TSN: variants seen among roughly 807,000 people sequenced by gnomAD.
TSN encodes the protein component 3 of promoter of RISC.
A neutral mutation model predicts 29.4 loss-of-function variants in TSN; 5 were observed. The ratio of observed to expected loss-of-function variants is 0.17; its 90% CI spans 0.09 to 0.36. The LOEUF (loss-of-function observed/expected upper bound fraction) is 0.36, where lower values mean the gene tolerates loss of function less well. TSN is among the 10% of genes least tolerant of loss of function. The pLI is 1.00. For missense variants in TSN, 159 were observed against 272.8 expected (o/e 0.58, Z 2.94); for synonymous variants, 106 against 102.2 (o/e 1.04, Z -0.23).
In TSN at chr2:121,765,136, G is replaced by T. The variant is rs779727558; in HGVS notation, c.456G>T (p.Ser152=). The part of the protein sequence containing the change: ...SGVLILASEL[S]RLSVNSVTAG... Reference sequence around the variant, plus strand: ...CTGTTTTCTCTTTCCTGGTACAGTCGAGGCTGTCTGTCAACAGCGTGACTG... The same window carrying T: ...CTGTTTTCTCTTTCCTGGTACAGTCTAGGCTGTCTGTCAACAGCGTGACTG... Residue 152 remains serine, a splice_region_variant and synonymous_variant, in exon 6 of 6, where the codon TCG becomes TCT. Coordinates refer to ENST00000389682, the MANE Select transcript of TSN (RefSeq NM_004622.3). 6.2e-7 allele frequency: 1 copy of T among 1,613,890 alleles called. No homozygotes were observed. Among genetic ancestry groups the T allele is most frequent in the East Asian group, 2.2e-5 (1 of 44,870 alleles).
In TSN at chr2:121,757,059, A is replaced by T. The variant is rs2074760785; in HGVS notation, c.67-181A>T. ...TTAATGGGTGGCTATTATTCTTTAA[A>T]GGGTATCTGAGGAATCTAAGGCTTT... On this transcript the variant is annotated intron_variant, in intron 1 of 5. Coordinates refer to ENST00000389682, the MANE Select transcript of TSN (RefSeq NM_004622.3). Among the ~76,000 whole-genome samples, 3 of 152,312 alleles carry T rather than the reference A, an allele frequency of 2.0e-5. No individual in the cohort carries two copies. In the East Asian group the frequency reaches 5.8e-4, roughly 29 times the overall value.
chr2:121,763,347 G>A (rs929249511), intron 5 of TSN, among the ~76,000 whole-genome samples: 8 of 151,904 alleles, frequency 5.3e-5, no homozygotes, highest in South Asian at 2.1e-4. Flanking sequence ...GGGTTTCACC[G>A]TGTTAGCCAG....
chr2:121,755,791 C>A lies in TSN; in HGVS notation c.12C>A (p.Ser4Arg). The A allele has an allele frequency of 6.2e-7, 1 of 1,613,958 alleles. No homozygotes were observed. The highest frequency in any genetic ancestry group is 8.5e-7 in the Non-Finnish European group (1 of 1,180,032). Reference sequence around the variant, plus strand: ...GTGCAGCCGGCGCCATGTCTGTGAGCGAGATCTTCGTGGAGCTGCAGGGCT... The same window carrying A: ...GTGCAGCCGGCGCCATGTCTGTGAGAGAGATCTTCGTGGAGCTGCAGGGCT... MSVSEIFVELQGFL... is the reference protein window; with the variant it reads MSVREIFVELQGFL... Residue 4 changes from serine to arginine, a missense_variant, in exon 1 of 6, where the codon AGC becomes AGA. Coordinates refer to ENST00000389682, the MANE Select transcript of TSN (RefSeq NM_004622.3).
At chr2:121,762,755 G>A (rs1358017033) in intron 4 of TSN, among the ~76,000 whole-genome samples, 1 of 152,148 alleles carries the variant, frequency 6.6e-6, no homozygotes, top group Non-Finnish European at 1.5e-5. Flanking sequence ...CTAACAAGAA[G>A]TATATTCTGT....
chr2:121,758,825 A>G lies in TSN; in HGVS notation c.257+19A>G. The G allele has an allele frequency of 6.8e-7, 1 of 1,468,438 alleles. No individual in the cohort carries two copies. The highest frequency in any genetic ancestry group is 9.1e-7 in the Non-Finnish European group (1 of 1,094,922). 91.0% of individuals were successfully genotyped at this position (1,468,438 alleles called of 1,614,324 possible). On this transcript the variant is annotated intron_variant, in intron 3 of 5. Coordinates refer to ENST00000389682, the MANE Select transcript of TSN (RefSeq NM_004622.3). ...ATTACAGGTTTGTAAGAAAAATAGC[A>G]TTATTTTATAATGTTAAGTAAAAAA... is the stretch of plus-strand genomic sequence containing the variant.
chr2:121,761,768 C>T (rs2074831643), intron 4 of TSN, among the ~76,000 whole-genome samples: 1 of 152,080 alleles, frequency 6.6e-6, no homozygotes. Flanking sequence ...CTCCCACATA[C>T]TTTAAATCAT....
chr2:121,756,585 A>G (rs2074751680), intron 1 of TSN: 10 of 1,276,760 alleles, frequency 7.8e-6, no homozygotes, highest in Admixed American at 2.3e-5. Flanking sequence ...TGCCTCGCAC[A>G]TAAGTATGCT....
chr2:121,756,783 C>G (rs891665339), intron 1 of TSN: 1 of 375,880 alleles, frequency 2.7e-6, no homozygotes, highest in Admixed American at 4.8e-5. Flanking sequence ...GTTGCGCACA[C>G]CTGTAATCCC....
chr2:121,764,102 G>T (rs1405499336), intron 5 of TSN, among the ~76,000 whole-genome samples: 1 of 152,194 alleles, frequency 6.6e-6, no homozygotes, highest in East Asian at 1.9e-4. Context: ...CACAACTTCT[G>T]TTAACATTCT....
At chr2:121,765,027 C>A (rs2074884055) in intron 5 of TSN, 107 bp from the exon 6 acceptor site, 3 of 941,350 alleles carry the variant, frequency 3.2e-6, no homozygotes, top group Admixed American at 2.0e-5. Context: ...GATAGAAGAT[C>A]AGCGTGGCTG....
chr2:121,757,397 A>G lies in TSN; in HGVS notation c.160+64A>G, dbSNP rs755155309. 6.2e-6 allele frequency: 10 copies of G among 1,607,530 alleles called. No individual in the cohort carries two copies. In the Admixed American group the frequency reaches 1.7e-4, roughly 27 times the overall value. On this transcript the variant is annotated intron_variant, in intron 2 of 5. Transcript: ENST00000389682. Reference sequence around the variant, plus strand: ...TTTAGAGGGAGAGTTTCTATCCAGAAGACATTTTATAATGAAAAATGGCTA... The same window carrying G: ...TTTAGAGGGAGAGTTTCTATCCAGAGGACATTTTATAATGAAAAATGGCTA...
At chr2:121,761,883 T>C (rs2074834306) in intron 4 of TSN, among the ~76,000 whole-genome samples, 1 of 151,972 alleles carries the variant, frequency 6.6e-6, no homozygotes, top group African/African-American at 2.4e-5. Flanking sequence ...AGTGGTGCAA[T>C]CTCCGCTCAC....
chr2:121,761,874 G>C (rs936784712), intron 4 of TSN, among the ~76,000 whole-genome samples: 4 of 151,676 alleles, frequency 2.6e-5, no homozygotes, highest in African/African-American at 9.7e-5. Flanking sequence ...CTGGAGTGCA[G>C]TGGTGCAATC....
rs1362928481 is a variant in TSN, at chr2:121,758,815, G to GA, written c.257+14dup. 8 of 1,492,816 alleles carry GA rather than the reference G, an allele frequency of 5.4e-6. No individual in the cohort carries two copies. The highest frequency in any genetic ancestry group is 7.2e-6 in the Non-Finnish European group (8 of 1,116,336). 92.5% of individuals were successfully genotyped at this position (1,492,816 alleles called of 1,614,324 possible). Reference sequence around the variant, plus strand: ...GCTGAACAGTATTACAGGTTTGTAAGAAAAATAGCATTATTTTATAATGTT... The same window carrying GA: ...GCTGAACAGTATTACAGGTTTGTAAGAAAAAATAGCATTATTTTATAATGTT... On this transcript the variant is annotated intron_variant, in intron 3 of 5. Coordinates refer to ENST00000389682, the MANE Select transcript of TSN (RefSeq NM_004622.3).
In TSN at chr2:121,763,084, G is replaced by T; in HGVS notation, c.453G>T (p.Leu151=). ...LSGVLILASE[L]SRLSVNSVTA... is the part of the protein sequence containing the mutation. ...GAGTTCTAATTCTTGCCAGTGAACT[G>T]GTAAGCTCAGTAACTTGCTGGTTGC... is the stretch of plus-strand genomic sequence containing the variant. The change falls in exon 5 of 6, where the codon CTG becomes CTT. Residue 151 remains leucine, a splice_region_variant and synonymous_variant. Transcript: ENST00000389682. 6.3e-7 allele frequency: 1 copy of T among 1,597,060 alleles called. No individual in the cohort carries two copies. The highest frequency in any genetic ancestry group is 1.1e-5 in the South Asian group (1 of 87,504).
chr2:121,756,903 C>T (rs1429270966), intron 1 of TSN, among the ~76,000 whole-genome samples: 8 of 145,720 alleles, frequency 5.5e-5, no homozygotes, highest in African/African-American at 1.5e-4. Flanking sequence ...AGCGAGACTC[C>T]GTCTCAAAAA....
intron 4 of TSN, among the ~76,000 whole-genome samples, chr2:121,762,390 A>C (rs999835764): frequency 1.3e-5 from 2 of 152,154 alleles, no homozygotes; most frequent in East Asian, 3.9e-4. Context: ...GGCCTCCCAA[A>C]GTGCTGGGAT....
chr2:121,759,463 C>T (rs2074791506), intron 3 of TSN, among the ~76,000 whole-genome samples: 1 of 152,106 alleles, frequency 6.6e-6, no homozygotes, highest in Non-Finnish European at 1.5e-5. Context: ...CGAAAATTAG[C>T]CAGGTGTGGT....
In TSN at chr2:121,758,714, A is replaced by G. The variant is rs753092201; in HGVS notation, c.165A>G (p.Pro55=). 1.3e-6 allele frequency: 2 copies of G among 1,579,050 alleles called. No homozygotes were observed. The highest frequency in any genetic ancestry group is 2.4e-5 in the South Asian group (2 of 82,138). Residue 55 remains proline (P), a synonymous_variant, in exon 3 of 6, where the codon CCA becomes CCG. Transcript: ENST00000389682. ...VHQGAGFQDI[P]KRCLKAREHF... ...TTGGTTATCTTTTGTGACTAGTTCC[A>G]AAGAGGTGTTTGAAAGCTCGAGAAC...
Sources: gnomAD v4.1 joint callset for allele counts (sites outside exome capture counted in the v4.1 genomes callset) on GRCh38, gnomAD v4.1.1 for gene constraint, MANE v1.5 for transcripts, NCBI Gene and HGNC (gene_info 2026-07-23, HGNC 2026-07-21) for gene names.